Variants in CADM2 observed in about 807,000 individuals in gnomAD.
CADM2 encodes the protein cell adhesion molecule 2.
Under a neutral mutation model 49.8 loss-of-function variants are expected in CADM2, and 12 were observed. The ratio of observed to expected loss-of-function variants is 0.24; its 90% CI spans 0.15 to 0.39. The LOEUF is 0.39. Ranked by LOEUF, CADM2 falls within the 10% of genes least tolerant of loss-of-function variation. The pLI, the probability that CADM2 is intolerant of heterozygous loss-of-function variation, is 1.00. For synonymous variants in CADM2, 214 were observed against 175.4 expected (o/e 1.22, Z -1.74); for missense variants, 378 against 492.3 (o/e 0.77, Z 2.20).
intron 1 of CADM2, among the ~76,000 whole-genome samples, chr3:85,352,829 A>G (rs753084431): frequency 2.6e-4 from 39 of 152,108 alleles, no homozygotes; most frequent in Non-Finnish European, 5.0e-4. Flanking sequence ...TACTGTATCC[A>G]TGTGGTTCTG....
intron 1 of CADM2, among the ~76,000 whole-genome samples, chr3:85,084,041 T>G (rs2037278859): frequency 6.6e-6 from 1 of 152,182 alleles, no homozygotes. Flanking sequence ...TTTTCAACTC[T>G]TGCGTTGTCA....
rs961818626 is a variant in CADM2, at chr3:85,370,253, A to C, written c.62-356269A>C. 5.4e-5 allele frequency among the ~76,000 whole-genome samples: 8 copies of C among 146,952 alleles called. No individual in the cohort carries two copies. In the South Asian group the frequency reaches 1.7e-3, roughly 31 times the overall value. ...AATAATAATAATAATAATAATAATA[A>C]TAATAAAATTTTAAAAAATAACTTG... On this transcript the variant is annotated intron_variant, in intron 1 of 9. Coordinates refer to ENST00000383699, the MANE Select transcript of CADM2 (RefSeq NM_001167675.2).
intron 3 of CADM2, among the ~76,000 whole-genome samples, chr3:85,831,198 C>T (rs902105620): frequency 2.6e-5 from 4 of 151,892 alleles, no homozygotes; most frequent in Non-Finnish European, 4.4e-5. Flanking sequence ...TTTATCATTC[C>T]GTGAGGTACA....
intron 1 of CADM2, among the ~76,000 whole-genome samples, chr3:85,500,991 CAT>C (rs1395975958): frequency 6.6e-6 from 1 of 152,032 alleles, no homozygotes; most frequent in Non-Finnish European, 1.5e-5. Flanking sequence ...TATGTGAAAA[CAT>C]AGCCAAAGAT....
intron 1 of CADM2, among the ~76,000 whole-genome samples, chr3:85,229,979 G>T (rs547332592): frequency 6.6e-6 from 1 of 152,156 alleles, no homozygotes; most frequent in Admixed American, 6.5e-5. Flanking sequence ...TTATTAAACT[G>T]ATGAGAAAGA....
intron 8 of CADM2, among the ~76,000 whole-genome samples, chr3:86,032,355 A>G (rs1734654156): frequency 6.6e-6 from 1 of 151,920 alleles, no homozygotes; most frequent in Non-Finnish European, 1.5e-5. Flanking sequence ...TAGAATAGAC[A>G]TCGAACATTT....
At chr3:85,573,171 T>G (rs2062532049) in intron 1 of CADM2, among the ~76,000 whole-genome samples, 1 of 80,440 alleles carries the variant, frequency 1.2e-5, no homozygotes, top group South Asian at 4.6e-4. Flanking sequence ...ATTTATTTAT[T>G]TATTTATTTA....
chr3:85,467,757 C>A (rs1018829020), intron 1 of CADM2, among the ~76,000 whole-genome samples: 3 of 152,124 alleles, frequency 2.0e-5, no homozygotes, highest in Admixed American at 6.5e-5. Context: ...CACACATACA[C>A]CATTTTATCT....
intron 1 of CADM2, among the ~76,000 whole-genome samples, chr3:85,127,747 G>T (rs188705508): frequency 1.1e-4 from 17 of 152,092 alleles, no homozygotes; most frequent in African/African-American, 4.1e-4. Flanking sequence ...TTTAAGGATT[G>T]ATTTAGGTGA....
At chr3:85,206,771 A>T (rs540340706) in intron 1 of CADM2, among the ~76,000 whole-genome samples, 101 of 152,190 alleles carry the variant, frequency 6.6e-4, no homozygotes, top group African/African-American at 2.2e-3. Flanking sequence ...TGGATAATAA[A>T]CATAAATACA....
chr3:85,970,113 G>T (rs1429803197), intron 8 of CADM2, among the ~76,000 whole-genome samples: 1 of 145,624 alleles, frequency 6.9e-6, no homozygotes, highest in Non-Finnish European at 1.5e-5. Flanking sequence ...AAAAAAAAAA[G>T]ACGTGTTTAC....
At chr3:85,607,969 T>A (rs1195795516) in intron 1 of CADM2, among the ~76,000 whole-genome samples, 2 of 152,018 alleles carry the variant, frequency 1.3e-5, no homozygotes, top group Admixed American at 6.6e-5. Flanking sequence ...ATTAGAAATT[T>A]AAAAAAATAT....
chr3:85,091,405 A>G (rs1011640862), intron 1 of CADM2, among the ~76,000 whole-genome samples: 2 of 152,320 alleles, frequency 1.3e-5, no homozygotes, highest in South Asian at 4.1e-4. Flanking sequence ...TTTACTATAT[A>G]TTAAACATAC....
intron 1 of CADM2, among the ~76,000 whole-genome samples, chr3:85,148,383 A>G (rs1215136927): frequency 6.6e-6 from 1 of 152,214 alleles, no homozygotes; most frequent in African/African-American, 2.4e-5. Context: ...TAAACAAATT[A>G]AAAAATCTTT....
intron 2 of CADM2, among the ~76,000 whole-genome samples, chr3:85,741,721 T>C (rs568423841): frequency 1.4e-4 from 21 of 152,208 alleles, no homozygotes; most frequent in Middle Eastern, 3.2e-3. Context: ...CACTACCACC[T>C]TTATTATTCA....
chr3:86,010,966 AAG>A (rs141118236), intron 8 of CADM2, among the ~76,000 whole-genome samples: 4,423 of 152,044 alleles, frequency 0.029, 124 homozygotes, highest in African/African-American at 0.067. Flanking sequence ...AAGTTATAAA[AAG>A]TATTTATTAG....
chr3:85,216,975 A>G (rs931812200), intron 1 of CADM2, among the ~76,000 whole-genome samples: 2 of 152,036 alleles, frequency 1.3e-5, no homozygotes, highest in Admixed American at 6.5e-5. Flanking sequence ...TGAAAGAAAT[A>G]CATACAATTT....
At chr3:85,796,592 T>A (rs982578163) in intron 2 of CADM2, among the ~76,000 whole-genome samples, 1 of 152,182 alleles carries the variant, frequency 6.6e-6, no homozygotes, top group African/African-American at 2.4e-5. Context: ...ATTTTTTACT[T>A]GATAGGCTTA....
intron 8 of CADM2, among the ~76,000 whole-genome samples, chr3:86,026,495 T>G (rs2107107009): frequency 6.6e-6 from 1 of 152,276 alleles, no homozygotes; most frequent in Admixed American, 6.5e-5. Flanking sequence ...CTATAGAAAT[T>G]AAGGTATTTT....
Sources: allele counts gnomAD v4.1 joint callset (sites outside exome capture counted in the v4.1 genomes callset), GRCh38; gene constraint gnomAD v4.1.1; transcripts MANE v1.5; gene names NCBI Gene and HGNC (gene_info 2026-07-23, HGNC 2026-07-21).